ODAD2: variants seen among roughly 807,000 people sequenced by gnomAD.
ODAD2 encodes outer dynein arm docking complex subunit 2, also known as outer dynein arm-docking complex subunit 2.
In ODAD2, 89 loss-of-function variants were observed where a neutral mutation model predicts 106.8. The observed-to-expected ratio is 0.83, with a 90% CI of 0.70 to 0.99. The LOEUF is 0.99. ODAD2 is among the 50% of genes least tolerant of loss of function. The pLI is 0.00. For synonymous variants in ODAD2, 404 were observed against 436.2 expected (o/e 0.93, Z 0.92); for missense variants, 1,168 against 1,238.5 (o/e 0.94, Z 0.85).
intron 17 of ODAD2, among the ~76,000 whole-genome samples, chr10:27,904,586 T>C (rs1358505505): frequency 6.6e-6 from 1 of 152,252 alleles, no homozygotes; most frequent in Non-Finnish European, 1.5e-5. Flanking sequence ...AGGTCTATTC[T>C]GTACTTTCTA....
intron 17 of ODAD2, among the ~76,000 whole-genome samples, chr10:27,889,391 C>A (rs1286251058): frequency 3.3e-5 from 5 of 152,296 alleles, no homozygotes; most frequent in Non-Finnish European, 5.9e-5. Flanking sequence ...TTGATGGACA[C>A]AGCATATCAA....
intron 7 of ODAD2, among the ~76,000 whole-genome samples, chr10:27,978,991 C>G (rs1174209776): frequency 6.6e-6 from 1 of 152,002 alleles, no homozygotes; most frequent in Non-Finnish European, 1.5e-5. Flanking sequence ...AAGCAGATTA[C>G]TTGAGGCCAA....
intron 2 of ODAD2, among the ~76,000 whole-genome samples, chr10:27,993,479 GTC>G: frequency 6.6e-6 from 1 of 151,960 alleles, no homozygotes; most frequent in East Asian, 1.9e-4. Context: ...GGGAAACCCC[GTC>G]TCTACTAAAA....
Position 27,843,013 on chromosome 10 carries a change from T to C in ODAD2, c.3021+17612A>G, listed in dbSNP as rs868863627. ...CAAAAGATTCATGTTCAAATTATCC[T>C]TCATAAATTTCTCAAGATGTTGGAT... On this transcript the variant is annotated intron_variant, in intron 19 of 19. Transcript: ENST00000305242. Among the ~76,000 whole-genome samples the C allele has an allele frequency of 6.6e-5, 10 of 152,300 alleles. No individual in the cohort carries two copies. The South Asian group carries it at 1.7e-3, about 25-fold the overall frequency.
At chr10:27,891,378 GTT>G (rs200672255) in intron 17 of ODAD2, among the ~76,000 whole-genome samples, 3 of 143,426 alleles carry the variant, frequency 2.1e-5, no homozygotes, top group Admixed American at 7.0e-5. Flanking sequence ...AGAGTTTTTT[GTT>G]TTTTTTTTTT....
At chr10:27,976,449 T>C (rs1849193754) in intron 7 of ODAD2, among the ~76,000 whole-genome samples, 1 of 152,084 alleles carries the variant, frequency 6.6e-6, no homozygotes, top group Non-Finnish European at 1.5e-5. Flanking sequence ...CAAGTGTATA[T>C]TTATACAATA....
At chr10:27,962,145 G>A (rs1014883683) in intron 9 of ODAD2, among the ~76,000 whole-genome samples, 1 of 152,166 alleles carries the variant, frequency 6.6e-6, no homozygotes, top group Non-Finnish European at 1.5e-5. Flanking sequence ...ATTGCTCTGG[G>A]TGCAATAATC....
At chr10:27,921,285 A>AC (rs1240946316) in intron 16 of ODAD2, among the ~76,000 whole-genome samples, 1 of 149,418 alleles carries the variant, frequency 6.7e-6, no homozygotes, top group East Asian at 2.0e-4. Flanking sequence ...ACAGAGTGAG[A>AC]CCCCACCTCC....
At chr10:27,881,924 G>A (rs914845059) in intron 17 of ODAD2, among the ~76,000 whole-genome samples, 28 of 151,774 alleles carry the variant, frequency 1.8e-4, no homozygotes, top group African/African-American at 6.1e-4. Flanking sequence ...TAATCCTTTC[G>A]GGAGGTTGAA....
intron 10 of ODAD2, among the ~76,000 whole-genome samples, chr10:27,949,488 GAGA>G (rs1183951978): frequency 6.6e-6 from 1 of 152,156 alleles, no homozygotes; most frequent in Non-Finnish European, 1.5e-5. Flanking sequence ...TTCCCAGGCA[GAGA>G]AGGAGGGGAT....
Position 27,987,443 on chromosome 10 carries a change from G to GT in ODAD2, c.324dup (p.Arg109ThrfsTer19), listed in dbSNP as rs780697353. 1 of 1,613,934 alleles carries GT rather than the reference G, an allele frequency of 6.2e-7. No individual in the cohort carries two copies. The highest frequency in any genetic ancestry group is 1.7e-5 in the Admixed American group (1 of 60,000). ...CCAGTTTTGGCAATAAGTAACAAGC[G>GT]TGACAGCTGCCCAAAGCTCCTAATT... On this transcript the variant is annotated frameshift_variant, in exon 3 of 20. Coordinates refer to ENST00000305242, the MANE Select transcript of ODAD2 (RefSeq NM_018076.5). LOFTEE classifies it high-confidence loss of function.
At chr10:27,924,008 A>AAGAGAGAG (rs1320664230) in intron 16 of ODAD2, among the ~76,000 whole-genome samples, 3 of 104,188 alleles carry the variant, frequency 2.9e-5, no homozygotes, top group Non-Finnish European at 5.9e-5. Context: ...GAAAGAAAGA[A>AAGAGAGAG]AGAAAGAAAG....
At chr10:27,929,312 T>C (rs1000481649) in intron 16 of ODAD2, among the ~76,000 whole-genome samples, 1 of 152,132 alleles carries the variant, frequency 6.6e-6, no homozygotes, top group African/African-American at 2.4e-5. Context: ...TAAAATAATG[T>C]TTTGTACCAT....
intron 14 of ODAD2, among the ~76,000 whole-genome samples, chr10:27,938,604 C>CTTTTTTT (rs982998118): frequency 4.8e-5 from 7 of 144,762 alleles, no homozygotes; most frequent in Non-Finnish European, 6.0e-5. Context: ...CTTCTTTTTT[C>CTTTTTTT]TTTTTTTTTT....
chr10:27,983,800 CA>C, intron 6 of ODAD2, 42 bp downstream of exon 6: 1 of 1,587,002 alleles, frequency 6.3e-7, no homozygotes. Flanking sequence ...AGCTAACAAT[CA>C]AAGTCCACTG....
At chr10:27,945,590 G>A in intron 10 of ODAD2, among the ~76,000 whole-genome samples, 1 of 152,182 alleles carries the variant, frequency 6.6e-6, no homozygotes, top group East Asian at 1.9e-4. Flanking sequence ...TGTCTTCTTG[G>A]TGAATCGCTA....
intron 17 of ODAD2, among the ~76,000 whole-genome samples, chr10:27,871,112 T>C (rs919108444): frequency 1.3e-5 from 2 of 152,260 alleles, no homozygotes; most frequent in Non-Finnish European, 2.9e-5. Flanking sequence ...CCACTGATGA[T>C]GAGCATTTTT....
chr10:27,890,666 T>C (rs1259487197), intron 17 of ODAD2, among the ~76,000 whole-genome samples: 5 of 151,992 alleles, frequency 3.3e-5, no homozygotes, highest in African/African-American at 9.7e-5. Flanking sequence ...ATTTGAGCTA[T>C]GGCCAGTGAT....
chr10:27,872,162 G>A (rs1458503181), intron 17 of ODAD2, among the ~76,000 whole-genome samples: 1 of 151,898 alleles, frequency 6.6e-6, no homozygotes, highest in African/African-American at 2.4e-5. Context: ...CTGTTTGTCT[G>A]TTATTGGTGT....
Sources: allele counts gnomAD v4.1 joint callset (sites outside exome capture counted in the v4.1 genomes callset), GRCh38; gene constraint gnomAD v4.1.1; transcripts MANE v1.5; gene names NCBI Gene and HGNC (gene_info 2026-07-23, HGNC 2026-07-21).